Variants in LRRTM4 observed in about 807,000 individuals in gnomAD.
The protein encoded by LRRTM4 is leucine-rich repeat transmembrane neuronal protein 4.
Under a neutral mutation model 47.6 loss-of-function variants are expected in LRRTM4, and 25 were observed. That is an observed-to-expected ratio of 0.53 (90% confidence interval 0.38 to 0.73). LRRTM4 has a LOEUF of 0.73. Among genes scored for constraint, LRRTM4 ranks in the 30% least tolerant of loss-of-function variants. The pLI is 0.00. For missense variants in LRRTM4, 638 were observed against 713.4 expected (o/e 0.89, Z 1.20); for synonymous variants, 311 against 269.5 (o/e 1.15, Z -1.51).
intron 3 of LRRTM4, among the ~76,000 whole-genome samples, chr2:77,016,818 G>C (rs1283930123): frequency 6.6e-6 from 1 of 151,780 alleles, no homozygotes; most frequent in Non-Finnish European, 1.5e-5. Context: ...GCCGCCTCTG[G>C]CTGCAGAAAC....
chr2:77,262,275 T>C (rs1259359564), intron 3 of LRRTM4, among the ~76,000 whole-genome samples: 3 of 152,048 alleles, frequency 2.0e-5, no homozygotes, highest in African/African-American at 4.8e-5. Flanking sequence ...TGTAATGCAC[T>C]TGAAGCATCC....
chr2:77,518,538 T>A lies in LRRTM4; in HGVS notation c.1331A>T (p.Tyr444Phe). The part of the protein sequence containing the change: ...LSVAMILLVI[Y>F]VSWKRYPASM... The stretch of plus-strand genomic sequence containing the variant: ...GGCTGGGTAGCGTTTCCAAGACACA[T>A]AGATCACCAAGAGGATCATGGCCAC... Residue 444 changes from tyrosine to phenylalanine, a missense_variant, in exon 3 of 4, where the codon TAT becomes TTT. Tyr to Phe is a conservative substitution (Grantham distance 22, BLOSUM62 3). Coordinates refer to ENST00000409884, the MANE Select transcript of LRRTM4 (RefSeq NM_001134745.3). 6.2e-7 allele frequency: 1 copy of A among 1,613,312 alleles called. No homozygotes were observed. The highest frequency in any genetic ancestry group is 1.3e-5 in the African/African-American group (1 of 74,956).
intron 3 of LRRTM4, among the ~76,000 whole-genome samples, chr2:77,489,845 T>C (rs1376001764): frequency 6.6e-6 from 1 of 152,204 alleles, no homozygotes; most frequent in Non-Finnish European, 1.5e-5. Context: ...GAACTTTGTG[T>C]CTAAAAGTAA....
chr2:76,916,579 C>A (rs1339824803), intron 3 of LRRTM4, among the ~76,000 whole-genome samples: 1 of 151,926 alleles, frequency 6.6e-6, no homozygotes, highest in East Asian at 1.9e-4. Flanking sequence ...TAAAAATATT[C>A]ATTATTTCCT....
chr2:77,027,683 G>A (rs1039260818), intron 3 of LRRTM4, among the ~76,000 whole-genome samples: 2 of 152,060 alleles, frequency 1.3e-5, no homozygotes, highest in African/African-American at 4.8e-5. Context: ...ATTGCCGAAA[G>A]GATAATTTCA....
chr2:77,318,663 TGG>T, intron 3 of LRRTM4, among the ~76,000 whole-genome samples: 1 of 152,202 alleles, frequency 6.6e-6, no homozygotes, highest in Non-Finnish European at 1.5e-5. Context: ...TTCATTTATG[TGG>T]CATGAATACT....
chr2:77,047,834 T>C (rs1679285087), intron 3 of LRRTM4, among the ~76,000 whole-genome samples: 1 of 152,038 alleles, frequency 6.6e-6, no homozygotes, highest in African/African-American at 2.4e-5. Flanking sequence ...GAAGATAAAC[T>C]ATTAGGGTTT....
At chr2:77,508,825 A>G (rs1189261224) in intron 3 of LRRTM4, among the ~76,000 whole-genome samples, 1 of 152,162 alleles carries the variant, frequency 6.6e-6, no homozygotes, top group African/African-American at 2.4e-5. Context: ...AGCAATATCA[A>G]TTCTTCTTTA....
intron 3 of LRRTM4, among the ~76,000 whole-genome samples, chr2:77,027,605 C>G (rs1415795957): frequency 6.6e-6 from 1 of 152,130 alleles, no homozygotes. Flanking sequence ...AGTGTACTAT[C>G]AGCTCTAAAT....
intron 3 of LRRTM4, among the ~76,000 whole-genome samples, chr2:76,766,664 C>T (rs1673468698): frequency 6.6e-6 from 1 of 152,170 alleles, no homozygotes; most frequent in African/African-American, 2.4e-5. Flanking sequence ...TCTTGCTAAT[C>T]ATTCCTGCCT....
At chr2:76,794,034 T>C (rs926864358) in intron 3 of LRRTM4, among the ~76,000 whole-genome samples, 1 of 152,194 alleles carries the variant, frequency 6.6e-6, no homozygotes, top group Admixed American at 6.5e-5. Context: ...AAGCCAAAAC[T>C]GGGCTAGGGA....
chr2:77,455,109 C>T (rs1038124686), intron 3 of LRRTM4, among the ~76,000 whole-genome samples: 1 of 151,990 alleles, frequency 6.6e-6, no homozygotes, highest in African/African-American at 2.4e-5. Flanking sequence ...AATCTCTTGA[C>T]CCTGGGAGGC....
chr2:77,218,392 C>A (rs1330179343), intron 3 of LRRTM4, among the ~76,000 whole-genome samples: 1 of 151,974 alleles, frequency 6.6e-6, no homozygotes, highest in Non-Finnish European at 1.5e-5. Flanking sequence ...ATCTTTGATG[C>A]AAGTTTTCTG....
chr2:77,210,893 T>C (rs1435986656), intron 3 of LRRTM4, among the ~76,000 whole-genome samples: 1 of 152,122 alleles, frequency 6.6e-6, no homozygotes, highest in East Asian at 1.9e-4. Flanking sequence ...CTGTCTGTAG[T>C]GTCAGGTGAG....
chr2:77,049,883 G>A (rs1436133494), intron 3 of LRRTM4, among the ~76,000 whole-genome samples: 1 of 151,818 alleles, frequency 6.6e-6, no homozygotes, highest in Non-Finnish European at 1.5e-5. Context: ...ATGTTCTTTA[G>A]TGTTTCCTCT....
intron 3 of LRRTM4, among the ~76,000 whole-genome samples, chr2:77,237,721 A>T (rs955533883): frequency 1.3e-5 from 2 of 152,160 alleles, no homozygotes; most frequent in African/African-American, 4.8e-5. Context: ...TGGTGGAATA[A>T]ATCTGGAGAA....
chr2:77,138,186 A>T (rs528564795), intron 3 of LRRTM4, among the ~76,000 whole-genome samples: 1 of 151,684 alleles, frequency 6.6e-6, no homozygotes, highest in South Asian at 2.1e-4. Flanking sequence ...TTCTCAGCAC[A>T]TCGCACTTAT....
At chr2:76,925,872 T>A (rs1221180936) in intron 3 of LRRTM4, among the ~76,000 whole-genome samples, 1 of 152,142 alleles carries the variant, frequency 6.6e-6, no homozygotes, top group Non-Finnish European at 1.5e-5. Flanking sequence ...CACACAGTAT[T>A]TATAATGAAA....
At chr2:76,834,541 G>C (rs993963009) in intron 3 of LRRTM4, among the ~76,000 whole-genome samples, 17 of 151,826 alleles carry the variant, frequency 1.1e-4, no homozygotes, top group African/African-American at 2.9e-4. Context: ...TGCTTCATTT[G>C]ACAACGTATT....
Sources: allele counts gnomAD v4.1 joint callset (sites outside exome capture counted in the v4.1 genomes callset), GRCh38; gene constraint gnomAD v4.1.1; transcripts MANE v1.5; gene names NCBI Gene and HGNC (gene_info 2026-07-23, HGNC 2026-07-21).